CFAP36: variants seen among roughly 807,000 people sequenced by gnomAD.
The protein encoded by CFAP36 is cilia- and flagella-associated protein 36.
A neutral mutation model predicts 50.5 loss-of-function variants in CFAP36; 37 were observed. That is an observed-to-expected ratio of 0.73 (90% CI 0.56 to 0.96). The LOEUF (loss-of-function observed/expected upper bound fraction) is 0.96. Ranked by LOEUF, CFAP36 falls within the 50% of genes least tolerant of loss-of-function variation. The pLI, the probability that CFAP36 is intolerant of heterozygous loss-of-function variation, is 0.00. For missense variants in CFAP36, 407 were observed against 396.2 expected (o/e 1.03, Z -0.23); for synonymous variants, 138 against 128.2 (o/e 1.08, Z -0.52).
chr2:55,538,493 C>T (rs183423768), intron 7 of CFAP36, among the ~76,000 whole-genome samples: 107 of 152,142 alleles, frequency 7.0e-4, no homozygotes, highest in African/African-American at 2.0e-3. Context: ...GGGGTTTCTA[C>T]ATGTTGGTCA....
At chr2:55,523,097 C>CAAAA (rs1171309942) in intron 2 of CFAP36, among the ~76,000 whole-genome samples, 2 of 109,178 alleles carry the variant, frequency 1.8e-5, no homozygotes, top group East Asian at 2.3e-4. Flanking sequence ...GACTCTGTCT[C>CAAAA]AAAAAAAAAA....
chr2:55,530,078 C>T (rs1049026762), intron 4 of CFAP36, among the ~76,000 whole-genome samples: 1 of 152,128 alleles, frequency 6.6e-6, no homozygotes, highest in African/African-American at 2.4e-5. Flanking sequence ...CAAATCTCAT[C>T]TTGAATTCCC....
At chr2:55,523,883 T>C (rs1684133758) in intron 3 of CFAP36, 61 bp downstream of exon 3, 3 of 1,023,414 alleles carry the variant, frequency 2.9e-6, no homozygotes, top group Non-Finnish European at 4.3e-6. Flanking sequence ...GGTTAAACAC[T>C]CACTTAAATT....
At chr2:55,530,747 C>T (rs528996936) in intron 4 of CFAP36, among the ~76,000 whole-genome samples, 81 of 152,286 alleles carry the variant, frequency 5.3e-4, no homozygotes, top group African/African-American at 1.9e-3. Flanking sequence ...GGTAACCTCA[C>T]CTTAATTTCT....
intron 3 of CFAP36, among the ~76,000 whole-genome samples, chr2:55,525,635 T>TA (rs977602888): frequency 1.3e-5 from 2 of 151,688 alleles, no homozygotes; most frequent in African/African-American, 4.9e-5. Context: ...TTGCTCTCTT[T>TA]TTTTTTTCTT....
chr2:55,523,711 G>C lies in CFAP36; in HGVS notation c.181-10G>C, dbSNP rs762066967. 1.3e-6 allele frequency: 2 copies of C among 1,549,716 alleles called. No homozygotes were observed. Among genetic ancestry groups the C allele is most frequent in the African/African-American group, 1.4e-5 (1 of 73,186 alleles). ...TATGTAATTATAAAAGTTAAACTTT[G>C]TTTTTTTAGGTTGAAAAGCTGTTAG... On this transcript the variant is annotated splice_polypyrimidine_tract_variant and intron_variant, in intron 2 of 9. Transcript: ENST00000349456.
At position 55,523,816 on chromosome 2, in the gene CFAP36, A is replaced by T; in HGVS notation, c.276A>T (p.Thr92=). The T allele has an allele frequency of 6.3e-7, 1 of 1,596,658 alleles. No homozygotes were observed. Among genetic ancestry groups the T allele is most frequent in the Non-Finnish European group, 8.6e-7 (1 of 1,169,468 alleles). The change falls in exon 3 of 10, where the codon ACA becomes ACT. Residue 92 remains threonine (T), a synonymous_variant. Transcript: ENST00000349456. ...ACTSPLAKTH[T]SQAILQPVLA... ...CTTCTCCTCTTGCAAAGACCCATACATCACAGGTTTTTGCTTTGTGTTATT... is the reference window on the plus strand; with the variant it reads ...CTTCTCCTCTTGCAAAGACCCATACTTCACAGGTTTTTGCTTTGTGTTATT...
chr2:55,543,786 C>T, intron 7 of CFAP36, 152 bp from the exon 8 acceptor site: 1 of 747,558 alleles, frequency 1.3e-6, no homozygotes, highest in Non-Finnish European at 2.3e-6. Context: ...TACCCAGTGG[C>T]TGGCACAGTA....
intron 4 of CFAP36, among the ~76,000 whole-genome samples, chr2:55,531,714 C>T (rs1392041103): frequency 1.3e-5 from 2 of 152,186 alleles, no homozygotes; most frequent in Admixed American, 6.5e-5. Context: ...TTCATGGAAA[C>T]CCTCCAGTTT....
chr2:55,542,266 C>T (rs1038806592), intron 7 of CFAP36, among the ~76,000 whole-genome samples: 1 of 152,204 alleles, frequency 6.6e-6, no homozygotes, highest in African/African-American at 2.4e-5. Flanking sequence ...CAGTTGTACA[C>T]ATTAATGGTA....
At position 55,544,274 on chromosome 2, in the gene CFAP36, C is replaced by G. The variant is rs374899371; in HGVS notation, c.832C>G (p.Gln278Glu). 4.3e-6 allele frequency: 7 copies of G among 1,613,594 alleles called. No individual in the cohort carries two copies. The highest frequency in any genetic ancestry group is 1.3e-5 in the African/African-American group (1 of 74,826). ...ELRQREHYLK[Q>E]KRDKLMSMRK... ...TCGGCAACGAGAACACTATCTCAAG[C>G]AGAAGAGAGATAAGTTGATGTCCAT... The change falls in exon 9 of 10, where the codon CAG becomes GAG. Residue 278 changes from glutamine (Q) to glutamate (E), a missense_variant. By Grantham distance (29) the Gln-to-Glu change is conservative. Transcript: ENST00000349456.
At chr2:55,524,061 A>G (rs913842107) in intron 3 of CFAP36, among the ~76,000 whole-genome samples, 12 of 152,228 alleles carry the variant, frequency 7.9e-5, no homozygotes, top group Non-Finnish European at 1.2e-4. Context: ...CTAGAATAAG[A>G]TCACAGGGTT....
At chr2:55,533,561 G>A (rs1319983514) in intron 4 of CFAP36, among the ~76,000 whole-genome samples, 1 of 151,926 alleles carries the variant, frequency 6.6e-6, no homozygotes. Context: ...TGGGTGTGGT[G>A]GTGGGCAGCT....
chr2:55,524,228 T>G (rs913228924), intron 3 of CFAP36, among the ~76,000 whole-genome samples: 1 of 152,134 alleles, frequency 6.6e-6, no homozygotes, highest in African/African-American at 2.4e-5. Context: ...TAGGCTGAAG[T>G]AGTAATACAT....
intron 2 of CFAP36, 37 bp downstream of exon 2, chr2:55,522,203 A>T: frequency 9.7e-7 from 1 of 1,026,624 alleles, no homozygotes; most frequent in Non-Finnish European, 1.5e-6. Flanking sequence ...AAAAGTAATT[A>T]GGCTAATACT....
At chr2:55,531,406 T>C (rs564702818) in intron 4 of CFAP36, 1 of 152,290 alleles carries the variant, frequency 6.6e-6, no homozygotes, top group East Asian at 1.9e-4. Context: ...TAAATATATA[T>C]CTTGTATCAT....
At chr2:55,522,603 A>G (rs1380841270) in intron 2 of CFAP36, among the ~76,000 whole-genome samples, 1 of 152,150 alleles carries the variant, frequency 6.6e-6, no homozygotes, top group Non-Finnish European at 1.5e-5. Flanking sequence ...CTCCCATCTC[A>G]GCCACCTGAG....
chr2:55,528,619 C>T (rs547691321), intron 3 of CFAP36, among the ~76,000 whole-genome samples: 15 of 152,108 alleles, frequency 9.9e-5, no homozygotes, highest in Non-Finnish European at 2.2e-4. Context: ...TAATCTTGAA[C>T]TCCTGACCTC....
At chr2:55,526,831 A>G (rs1684219622) in intron 3 of CFAP36, among the ~76,000 whole-genome samples, 1 of 152,096 alleles carries the variant, frequency 6.6e-6, no homozygotes, top group Non-Finnish European at 1.5e-5. Context: ...ATACCAGCCT[A>G]GGCCACAATG....
Sources: allele counts gnomAD v4.1 joint callset (sites outside exome capture counted in the v4.1 genomes callset), GRCh38; gene constraint gnomAD v4.1.1; transcripts MANE v1.5; gene names NCBI Gene and HGNC (gene_info 2026-07-23, HGNC 2026-07-21).